Variants in MED24 observed in about 807,000 individuals in gnomAD.
The protein encoded by MED24 is mediator of RNA polymerase II transcription subunit 24.
In MED24, 74 loss-of-function variants were observed where a neutral mutation model predicts 118.8. The observed-to-expected ratio is 0.62, with a 90% CI of 0.52 to 0.76. The LOEUF is 0.76. Among genes scored for constraint, MED24 ranks in the 30% least tolerant of loss-of-function variants. The pLI is 0.00. For synonymous variants in MED24, 521 were observed against 523.9 expected (o/e 0.99, Z 0.08); for missense variants, 1,041 against 1,278.9 (o/e 0.81, Z 2.84).
chr17:40,025,027 C>T (rs953579365), intron 19 of MED24, among the ~76,000 whole-genome samples: 3 of 152,318 alleles, frequency 2.0e-5, no homozygotes, highest in Non-Finnish European at 2.9e-5. Flanking sequence ...TGAGCCACCA[C>T]GCCCGGCCCA....
At chr17:40,037,557 C>T (rs1427756518) in intron 3 of MED24, among the ~76,000 whole-genome samples, 1 of 152,130 alleles carries the variant, frequency 6.6e-6, no homozygotes, top group Non-Finnish European at 1.5e-5. Flanking sequence ...TCCAAAGCTG[C>T]CCTACCCAAT....
intron 10 of MED24, 27 bp from the exon 11 acceptor site, chr17:40,031,647 G>T (rs991676780): frequency 6.2e-7 from 1 of 1,601,264 alleles, no homozygotes; most frequent in Middle Eastern, 1.7e-4. Flanking sequence ...GTGTCCATCT[G>T]GTTTCCAGGG....
intron 25 of MED24, 49 bp downstream of exon 25, chr17:40,019,736 T>A: frequency 6.2e-7 from 1 of 1,602,608 alleles, no homozygotes; most frequent in Non-Finnish European, 8.5e-7. Context: ...CTCTAAGGGC[T>A]GCCCCGAGGC....
intron 3 of MED24, among the ~76,000 whole-genome samples, chr17:40,036,464 G>A (rs1263483051): frequency 6.6e-6 from 1 of 152,188 alleles, no homozygotes; most frequent in Non-Finnish European, 1.5e-5. Flanking sequence ...GCCGAGGCGG[G>A]CGGATCACGA....
At chr17:40,041,494 A>G (rs1330393937) in intron 3 of MED24, among the ~76,000 whole-genome samples, 1 of 152,208 alleles carries the variant, frequency 6.6e-6, no homozygotes, top group Non-Finnish European at 1.5e-5. Flanking sequence ...CTTCTAAACC[A>G]AAAGCTCCAG....
intron 5 of MED24, 107 bp from the exon 6 acceptor site, chr17:40,035,456 T>C: frequency 8.1e-7 from 1 of 1,239,968 alleles, no homozygotes; most frequent in African/African-American, 1.5e-5. Flanking sequence ...GGACTAGGGC[T>C]GAGAAGCTAG....
At chr17:40,047,215 C>T (rs118061324) in intron 3 of MED24, among the ~76,000 whole-genome samples, 2 of 152,270 alleles carry the variant, frequency 1.3e-5, no homozygotes, top group Non-Finnish European at 2.9e-5. Context: ...CGAACTATAT[C>T]CCATCTGACT....
rs765550425 is a variant in MED24, at chr17:40,033,231, C to T, written c.672-25G>A. The T allele has an allele frequency of 1.5e-5, 25 of 1,613,094 alleles. No homozygotes were observed. Among genetic ancestry groups the T allele is most frequent in the Middle Eastern group, 1.6e-4 (1 of 6,084 alleles). On this transcript the variant is annotated intron_variant, in intron 7 of 25. Coordinates refer to ENST00000394128, the MANE Select transcript of MED24 (RefSeq NM_014815.4). The surrounding 1 kb of genome is among the most constrained non-coding windows in gnomAD (Gnocchi z 5.2). The stretch of plus-strand genomic sequence containing the variant: ...GCTGAGGGGTCACAAACACAGGGGA[C>T]GGTGTTTGGGGGGCCAAAGGTGAAG...
intron 14 of MED24, 161 bp from the exon 15 acceptor site, chr17:40,028,107 G>GT: frequency 4.2e-6 from 3 of 709,172 alleles, no homozygotes; most frequent in Non-Finnish European, 7.0e-6. Flanking sequence ...TGTGGTTTTT[G>GT]TTTTTTGTTT....
At position 40,027,548 on chromosome 17, in the gene MED24, T is replaced by C. The variant is rs541236816; in HGVS notation, c.1448-83A>G. ...GGGTTGACAGGGATCGGGATTTGCC[T>C]CTAGGAAGGTCAGGGACCAAGTGGC... On this transcript the variant is annotated intron_variant, in intron 15 of 25. Transcript: ENST00000394128. 154 of 1,362,534 alleles carry C rather than the reference T, an allele frequency of 1.1e-4. No individual in the cohort carries two copies. In the African/African-American group the frequency reaches 2.0e-3, roughly 18 times the overall value. 84.4% of individuals were successfully genotyped at this position (1,362,534 alleles called of 1,614,324 possible).
At position 40,019,933 on chromosome 17, in the gene MED24, G is replaced by A; in HGVS notation, c.2705C>T (p.Ala902Val). Reference protein sequence around the residue: ...NMRDPLNRVLANLFLLISSIL... With the variant: ...NMRDPLNRVLVNLFLLISSIL... ...GGAGGAGATGAGCAGGAACAGGTTG[G>A]CTGTAGAGAGTGGGGGGAGAGTGAC... Residue 902 changes from alanine to valine, a missense_variant and splice_region_variant, in exon 25 of 26, where the codon GCC (alanine) becomes GTC (valine). By Grantham distance (64) the Ala-to-Val change is moderately conservative. Coordinates refer to ENST00000394128, the MANE Select transcript of MED24 (RefSeq NM_014815.4). 2 of 1,562,422 alleles carry A rather than the reference G, an allele frequency of 1.3e-6. No homozygotes were observed. Among genetic ancestry groups the A allele is most frequent in the Non-Finnish European group, 1.7e-6 (2 of 1,152,706 alleles).
At chr17:40,037,808 G>A (rs1364564712) in intron 3 of MED24, among the ~76,000 whole-genome samples, 2 of 152,112 alleles carry the variant, frequency 1.3e-5, no homozygotes, top group East Asian at 3.9e-4. Flanking sequence ...CTACTAGGGA[G>A]GCTGAGGCAG....
chr17:40,050,228 C>T (rs1985692114), intron 3 of MED24, among the ~76,000 whole-genome samples: 1 of 149,930 alleles, frequency 6.7e-6, no homozygotes, highest in African/African-American at 2.5e-5. Flanking sequence ...GTGAGCGGAT[C>T]ACCTGAGGTC....
chr17:40,022,988 A>G, intron 20 of MED24, 143 bp downstream of exon 20: 2 of 1,355,322 alleles, frequency 1.5e-6, no homozygotes, highest in East Asian at 2.5e-5. Context: ...AGAGCTCCCC[A>G]AGGAGGCAAC....
intron 3 of MED24, among the ~76,000 whole-genome samples, chr17:40,038,374 T>C (rs1271198126): frequency 2.6e-5 from 4 of 152,130 alleles, no homozygotes; most frequent in African/African-American, 7.2e-5. Context: ...GGATATCTAG[T>C]TCAGCTGTCT....
chr17:40,028,320 G>T (rs1982959252), intron 14 of MED24, among the ~76,000 whole-genome samples: 1 of 151,944 alleles, frequency 6.6e-6, no homozygotes, highest in Non-Finnish European at 1.5e-5. Context: ...CACCAAGTTG[G>T]CCAGGCCGGT....
chr17:40,037,214 G>GGGAA (rs772575089), intron 3 of MED24, among the ~76,000 whole-genome samples: 50 of 142,828 alleles, frequency 3.5e-4, no homozygotes, highest in East Asian at 9.7e-4. Flanking sequence ...GAGAGAAAGA[G>GGGAA]GGAAGGAAGG....
intron 3 of MED24, among the ~76,000 whole-genome samples, chr17:40,042,946 CGTAT>C (rs927819068): frequency 3.3e-5 from 5 of 151,990 alleles, no homozygotes; most frequent in African/African-American, 1.2e-4. Context: ...CATTTTATTA[CGTAT>C]GTATGTATTT....
intron 3 of MED24, 22 bp from the exon 4 acceptor site, chr17:40,036,176 A>G: frequency 6.2e-7 from 1 of 1,603,576 alleles, no homozygotes; most frequent in Non-Finnish European, 8.5e-7. Flanking sequence ...GAAGAAAGAT[A>G]ATCTTTAGAC....
Sources: gnomAD v4.1 joint callset for allele counts (sites outside exome capture counted in the v4.1 genomes callset) on GRCh38, gnomAD v4.1.1 for gene constraint, Gnocchi (gnomAD v3.1) non-coding constraint, MANE v1.5 for transcripts, NCBI Gene and HGNC (gene_info 2026-07-23, HGNC 2026-07-21) for gene names.